SYTL2: variants seen among roughly 807,000 people sequenced by gnomAD.
SYTL2 encodes synaptotagmin like 2, also known as synaptotagmin-like protein 2.
SYTL2 carries 165 observed loss-of-function variants against 198.7 expected under a neutral mutation model. That is an observed-to-expected ratio of 0.83 (90% confidence interval 0.73 to 0.94). The LOEUF (loss-of-function observed/expected upper bound fraction) is 0.94. Ranked by LOEUF, SYTL2 falls within the 40% of genes least tolerant of loss-of-function variation. The pLI is 0.00. For synonymous variants in SYTL2, 966 were observed against 917.7 expected, an observed-to-expected ratio of 1.05 and a Z score of -0.95; for missense variants, 2,835 against 2,582.8, an observed-to-expected ratio of 1.10 and a Z score of -2.12.
In SYTL2 at chr11:85,698,066, G is replaced by C. The variant is rs2083676589; in HGVS notation, c.6281C>G (p.Pro2094Arg). 2 of 1,613,104 alleles carry C rather than the reference G, an allele frequency of 1.2e-6. No individual in the cohort carries two copies. The highest frequency in any genetic ancestry group is 1.3e-5 in the African/African-American group (1 of 74,882). The change falls in exon 18 of 20, where the codon CCT becomes CGT. Residue 2094 changes from proline (P) to arginine (R), a missense_variant. Pro to Arg is a moderately radical substitution (Grantham distance 103). Coordinates refer to ENST00000359152, the MANE Select transcript of SYTL2 (RefSeq NM_206927.4). ...CCAGATGTGCACTTCTCCAGTTGTAGGAAGCTTTTTACCTACAATAGAAAA... is the reference window on the plus strand; with the variant it reads ...CCAGATGTGCACTTCTCCAGTTGTACGAAGCTTTTTACCTACAATAGAAAA... ...VPEPVPGKKL[P>R]TTGEVHIWVK...
chr11:85,728,967 T>C (rs1048008679), intron 7 of SYTL2, among the ~76,000 whole-genome samples: 2 of 152,042 alleles, frequency 1.3e-5, no homozygotes, highest in Non-Finnish European at 2.9e-5. Flanking sequence ...GTGTTTTCAA[T>C]CCAACAAAGA....
chr11:85,790,178 T>C (rs2092709114), intron 1 of SYTL2, among the ~76,000 whole-genome samples: 1 of 152,182 alleles, frequency 6.6e-6, no homozygotes, highest in South Asian at 2.1e-4. Flanking sequence ...AAAGTGAAGA[T>C]GCCAGGTGTG....
At chr11:85,818,688 T>C in the SYTL2 span, among the ~76,000 whole-genome samples, 11 of 151,206 alleles carry the variant, frequency 7.3e-5, no homozygotes, top group African/African-American at 2.4e-4. Context: ...TATCTATCTA[T>C]CTACCTATCT....
At chr11:85,733,863 T>C (rs756890741) in intron 7 of SYTL2, 76 bp downstream of exon 7, 7 of 1,207,888 alleles carry the variant, frequency 5.8e-6, no homozygotes, top group Admixed American at 3.9e-5. Context: ...CCTCCCAAAG[T>C]GCTGGGATTA....
At chr11:85,805,411 GA>G (rs2092946071) in intron 1 of SYTL2, among the ~76,000 whole-genome samples, 1 of 151,720 alleles carries the variant, frequency 6.6e-6, no homozygotes, top group South Asian at 2.1e-4. Context: ...CAGTGGTAAA[GA>G]ATCTGCCCTA....
chr11:85,705,037 C>T lies in SYTL2; in HGVS notation c.6019-9G>A. ...TGTTTTTCAATTTTATACTGAAGTTCAAAGAAGAAAATTAAATGATGAAAA... is the reference window on the plus strand; with the variant it reads ...TGTTTTTCAATTTTATACTGAAGTTTAAAGAAGAAAATTAAATGATGAAAA... On this transcript the variant is annotated splice_polypyrimidine_tract_variant and intron_variant, in intron 15 of 19. Transcript: ENST00000359152. 1 of 1,593,004 alleles carries T rather than the reference C, an allele frequency of 6.3e-7. No individual in the cohort carries two copies. The highest frequency in any genetic ancestry group is 8.6e-7 in the Non-Finnish European group (1 of 1,163,834).
chr11:85,851,056 C>T, the SYTL2 span, among the ~76,000 whole-genome samples: 21 of 150,314 alleles, frequency 1.4e-4, no homozygotes, highest in African/African-American at 4.9e-4. Context: ...GGGATAGCAT[C>T]GGGAGACATA....
intron 1 of SYTL2, among the ~76,000 whole-genome samples, chr11:85,800,713 T>C (rs552327759): frequency 6.6e-6 from 1 of 152,116 alleles, no homozygotes; most frequent in Non-Finnish European, 1.5e-5. Context: ...ACACATCCAC[T>C]CCCTCCTCAC....
At chr11:85,820,662 A>G in the SYTL2 span, among the ~76,000 whole-genome samples, 1 of 152,222 alleles carries the variant, frequency 6.6e-6, no homozygotes, top group African/African-American at 2.4e-5. Flanking sequence ...TCTGAGGTAT[A>G]CAGGGGTTGC....
chr11:85,786,632 T>C (rs1032103976), intron 1 of SYTL2, among the ~76,000 whole-genome samples: 8 of 152,184 alleles, frequency 5.3e-5, no homozygotes, highest in African/African-American at 1.9e-4. Flanking sequence ...AGAGTGTGTG[T>C]ATGTGTGTGC....
At chr11:85,838,723 C>G in the SYTL2 span, among the ~76,000 whole-genome samples, 1 of 152,116 alleles carries the variant, frequency 6.6e-6, no homozygotes, top group Admixed American at 6.5e-5. Context: ...CACCTCCCAC[C>G]AGGGCTCATC....
At chr11:85,778,670 C>T (rs2092502126) in intron 1 of SYTL2, among the ~76,000 whole-genome samples, 2 of 152,216 alleles carry the variant, frequency 1.3e-5, no homozygotes, top group Non-Finnish European at 2.9e-5. Flanking sequence ...TAGACACATG[C>T]ATGCACTATC....
rs2086819975 is a variant in SYTL2 at position 85,714,405 on chromosome 11, A to C, written c.5625+8T>G. ...CCATTTTTCTGAAGGTACAAAAGAC[A>C]AACTTGCCTCATCTTGGAGAAATGC... On this transcript the variant is annotated splice_region_variant and intron_variant, in intron 12 of 19. Transcript: ENST00000359152. 8 of 1,608,724 alleles carry C rather than the reference A, an allele frequency of 5.0e-6. No homozygotes were observed. Among genetic ancestry groups the C allele is most frequent in the Non-Finnish European group, 6.0e-6 (7 of 1,175,188 alleles).
intron 1 of SYTL2, among the ~76,000 whole-genome samples, chr11:85,758,936 TA>T (rs1189612625): frequency 1.3e-5 from 2 of 152,188 alleles, no homozygotes; most frequent in Admixed American, 6.5e-5. Flanking sequence ...ACATACACAC[TA>T]AAAACCTTTA....
the SYTL2 span, among the ~76,000 whole-genome samples, chr11:85,848,430 A>G: frequency 4.0e-5 from 6 of 151,530 alleles, no homozygotes; most frequent in South Asian, 8.3e-4. Flanking sequence ...GAAATTTTAT[A>G]GTTTTCACCT....
chr11:85,713,700 G>A (rs2086697169), intron 12 of SYTL2, among the ~76,000 whole-genome samples: 1 of 152,152 alleles, frequency 6.6e-6, no homozygotes, highest in African/African-American at 2.4e-5. Context: ...ACCACATATA[G>A]TTAGTAAGAG....
At position 85,726,355 on chromosome 11, in the gene SYTL2, G is replaced by A; in HGVS notation, c.3003C>T (p.Asp1001=). 1 of 1,613,886 alleles carries A rather than the reference G, an allele frequency of 6.2e-7. No individual in the cohort carries two copies. The highest frequency in any genetic ancestry group is 8.5e-7 in the Non-Finnish European group (1 of 1,179,960). Residue 1001 remains aspartate (D), a synonymous_variant, in exon 8 of 20, where the codon GAC becomes GAT. Transcript: ENST00000359152. The part of the protein sequence containing the change: ...LEANSNSKDN[D]KNITTTSQKN... ...TTTGGCTTGTGGTGGTAATATTCTT[G>A]TCATTATCCTTACTGTTTGAATTAG...
chr11:85,794,286 C>A (rs989228513), intron 1 of SYTL2, among the ~76,000 whole-genome samples: 2 of 152,168 alleles, frequency 1.3e-5, no homozygotes, highest in African/African-American at 4.8e-5. Flanking sequence ...TTAAGCAATC[C>A]TCCTGCCTCA....
chr11:85,797,808 T>A (rs144253057), intron 1 of SYTL2, among the ~76,000 whole-genome samples: 265 of 152,162 alleles, frequency 1.7e-3, no homozygotes, highest in Middle Eastern at 3.4e-3. Flanking sequence ...TACCTTAGTC[T>A]ATACCCACTG....
Sources: allele counts gnomAD v4.1 joint callset (sites outside exome capture counted in the v4.1 genomes callset), GRCh38; gene constraint gnomAD v4.1.1; transcripts MANE v1.5; gene names NCBI Gene and HGNC (gene_info 2026-07-23, HGNC 2026-07-21).